Variants in WNT2 observed in about 807,000 individuals in gnomAD.
WNT2 encodes Wnt family member 2.
WNT2 carries 12 observed loss-of-function variants against 36.9 expected under a neutral mutation model. That is an observed-to-expected ratio of 0.33 (90% CI 0.21 to 0.53). WNT2 has a LOEUF of 0.53. Ranked by LOEUF, WNT2 falls within the 20% of genes least tolerant of loss-of-function variation. The pLI is 0.95. For missense variants in WNT2, 379 were observed against 473.1 expected, an observed-to-expected ratio of 0.80 and a Z score of 1.84; for synonymous variants, 163 against 174.6, an observed-to-expected ratio of 0.93 and a Z score of 0.52.
chr7:117,312,160 G>A (rs1163816229), intron 3 of WNT2, among the ~76,000 whole-genome samples: 2 of 152,012 alleles, frequency 1.3e-5, no homozygotes, highest in Admixed American at 1.3e-4. Flanking sequence ...TTGTTTGTTT[G>A]TTTGTTTGTT....
chr7:117,314,965 G>T, intron 3 of WNT2, 106 bp downstream of exon 3: 1 of 1,489,632 alleles, frequency 6.7e-7, no homozygotes, highest in South Asian at 1.3e-5. Flanking sequence ...AGGAAGTTGT[G>T]ACTACACAGC....
chr7:117,298,961 T>C (rs1490419386), intron 3 of WNT2, among the ~76,000 whole-genome samples: 1 of 152,186 alleles, frequency 6.6e-6, no homozygotes, highest in African/African-American at 2.4e-5. Context: ...TTTCCCACTT[T>C]ACCCCCACCT....
At chr7:117,310,300 C>T (rs1795096548) in intron 3 of WNT2, among the ~76,000 whole-genome samples, 1 of 152,138 alleles carries the variant, frequency 6.6e-6, no homozygotes, top group African/African-American at 2.4e-5. Flanking sequence ...TGCCGTGGCT[C>T]AAGGCCTGTA....
chr7:117,303,739 A>T (rs2285543), intron 3 of WNT2, among the ~76,000 whole-genome samples: 69,947 of 152,134 alleles, frequency 0.46, 16,211 homozygotes, highest in East Asian at 0.57. Context: ...ACAGCCAAGA[A>T]CTGTGCCAGG....
chr7:117,283,588 A>C (rs1794533329), intron 4 of WNT2, among the ~76,000 whole-genome samples: 1 of 152,180 alleles, frequency 6.6e-6, no homozygotes, highest in South Asian at 2.1e-4. Flanking sequence ...TGTAATGGTC[A>C]TGGTGTCTTT....
intron 3 of WNT2, among the ~76,000 whole-genome samples, chr7:117,304,070 C>G (rs1489458859): frequency 6.6e-6 from 1 of 152,212 alleles, no homozygotes; most frequent in Non-Finnish European, 1.5e-5. Flanking sequence ...TGCTGCAGTA[C>G]AGTGTTGAAT....
intron 4 of WNT2, among the ~76,000 whole-genome samples, chr7:117,291,554 A>G (rs965023474): frequency 6.6e-6 from 1 of 152,198 alleles, no homozygotes; most frequent in African/African-American, 2.4e-5. Context: ...CATCCCAGAC[A>G]GTCCAGCTTC....
At chr7:117,296,545 G>A (rs1444109082) in intron 4 of WNT2, among the ~76,000 whole-genome samples, 2 of 151,870 alleles carry the variant, frequency 1.3e-5, no homozygotes, top group African/African-American at 4.8e-5. Flanking sequence ...GAATTCCTTT[G>A]CTTTCTACCA....
intron 2 of WNT2, among the ~76,000 whole-genome samples, chr7:117,318,441 G>C (rs1225514495): frequency 6.6e-6 from 1 of 152,228 alleles, no homozygotes; most frequent in African/African-American, 2.4e-5. Context: ...TGTAGCATGA[G>C]TGGTTTAAGT....
At chr7:117,307,425 G>T (rs1015495548) in intron 3 of WNT2, among the ~76,000 whole-genome samples, 8 of 152,184 alleles carry the variant, frequency 5.3e-5, no homozygotes, top group African/African-American at 1.7e-4. Context: ...AACCCAGGGA[G>T]GCAGGATATA....
At chr7:117,298,430 C>T (rs993084279) in intron 3 of WNT2, among the ~76,000 whole-genome samples, 1 of 151,950 alleles carries the variant, frequency 6.6e-6, no homozygotes, top group East Asian at 1.9e-4. Context: ...AAGCACTCAC[C>T]CAAAGTTACA....
At chr7:117,320,362 C>T (rs1224328960) in intron 2 of WNT2, 6 of 587,256 alleles carry the variant, frequency 1.0e-5, no homozygotes, top group Non-Finnish European at 1.5e-5. Context: ...TCTACTTCTT[C>T]CTTTTGATTC....
At position 117,275,883 on chromosome 7, in the gene WNT2, G is replaced by C. The variant is rs940578481; in HGVS notation, c.*2272C>G. On this transcript the variant is annotated 3_prime_UTR_variant, in exon 5 of 5. Transcript: ENST00000265441. Reference sequence around the variant, plus strand: ...TAGGACAATTTATGTAGGTTCCTACGTGGATATCCTTGTCCCCTTGCTACT... The same window carrying C: ...TAGGACAATTTATGTAGGTTCCTACCTGGATATCCTTGTCCCCTTGCTACT... 6.6e-6 allele frequency among the ~76,000 whole-genome samples: 1 copy of C among 152,158 alleles called. No individual in the cohort carries two copies. The highest frequency in any genetic ancestry group is 1.9e-4 in the East Asian group (1 of 5,192).
At chr7:117,280,714 G>T (rs1380883053) in intron 4 of WNT2, among the ~76,000 whole-genome samples, 1 of 152,184 alleles carries the variant, frequency 6.6e-6, no homozygotes, top group African/African-American at 2.4e-5. Context: ...GTTTCCTCCT[G>T]TGCAAAACTG....
At chr7:117,312,460 A>G (rs1027864562) in intron 3 of WNT2, among the ~76,000 whole-genome samples, 1 of 152,244 alleles carries the variant, frequency 6.6e-6, no homozygotes, top group Non-Finnish European at 1.5e-5. Context: ...TAAATGGCAG[A>G]TATTGACCTT....
intron 3 of WNT2, among the ~76,000 whole-genome samples, chr7:117,314,431 C>CA (rs1173989528): frequency 6.6e-6 from 1 of 152,286 alleles, no homozygotes; most frequent in East Asian, 1.9e-4. Context: ...CCTCATTTAA[C>CA]AAATGATGGT....
At chr7:117,302,247 C>G (rs1193700239) in intron 3 of WNT2, among the ~76,000 whole-genome samples, 1 of 152,150 alleles carries the variant, frequency 6.6e-6, no homozygotes, top group Non-Finnish European at 1.5e-5. Context: ...AGACAATTCA[C>G]AGAAGAAATA....
At chr7:117,308,036 ATAT>A (rs953853528) in intron 3 of WNT2, among the ~76,000 whole-genome samples, 22 of 152,214 alleles carry the variant, frequency 1.4e-4, no homozygotes, top group African/African-American at 5.1e-4. Flanking sequence ...CATTAAAAAC[ATAT>A]TATTTAATTT....
chr7:117,312,104 GATTATTTCAT>G (rs1795132163), intron 3 of WNT2, among the ~76,000 whole-genome samples: 1 of 152,126 alleles, frequency 6.6e-6, no homozygotes, highest in East Asian at 1.9e-4. Context: ...AAGAAGTTGT[GATTATTTCAT>G]TATTTCATCT....
Sources: allele counts gnomAD v4.1 joint callset (sites outside exome capture counted in the v4.1 genomes callset), GRCh38; gene constraint gnomAD v4.1.1; transcripts MANE v1.5; gene names NCBI Gene and HGNC (gene_info 2026-07-23, HGNC 2026-07-21).